RRBP1: variants seen among roughly 807,000 people sequenced by gnomAD.
RRBP1 encodes ribosome-binding protein 1.
A neutral mutation model predicts 165.2 loss-of-function variants in RRBP1; 94 were observed. The ratio of observed to expected loss-of-function variants is 0.57; its 90% CI spans 0.48 to 0.68. The LOEUF (loss-of-function observed/expected upper bound fraction) is 0.68, where lower values mean the gene tolerates loss of function less well. Ranked by LOEUF, RRBP1 falls within the 30% of genes least tolerant of loss-of-function variation. The pLI is 0.00. For missense variants in RRBP1, 1,676 were observed against 1,763.0 expected (o/e 0.95, Z 0.88); for synonymous variants, 680 against 714.5 (o/e 0.95, Z 0.77).
At chr20:17,658,026 C>T (rs1406824769) in intron 3 of RRBP1, among the ~76,000 whole-genome samples, 1 of 152,236 alleles carries the variant, frequency 6.6e-6, no homozygotes, top group Admixed American at 6.5e-5. Flanking sequence ...AACTCTTCTA[C>T]ACTGTGTGGT....
At chr20:17,614,656 G>C in intron 24 of RRBP1, 81 bp downstream of exon 24, 2 of 1,564,374 alleles carry the variant, frequency 1.3e-6, no homozygotes, top group Non-Finnish European at 1.7e-6. Context: ...ACTCCGCCCA[G>C]CTCTGCCTCT....
At position 17,619,740 on chromosome 20, in the gene RRBP1, C is replaced by A; in HGVS notation, c.3580-12G>T. ...GTGTGCTCCCTCACCTGGACAGATG[C>A]ACAGACACGCACACGCATGCGCCAG... On this transcript the variant is annotated splice_polypyrimidine_tract_variant and intron_variant, in intron 18 of 24. Coordinates refer to ENST00000377813, the MANE Select transcript of RRBP1 (RefSeq NM_001365613.2). 1 of 1,583,932 alleles carries A rather than the reference C, an allele frequency of 6.3e-7. No individual in the cohort carries two copies. The highest frequency in any genetic ancestry group is 8.6e-7 in the Non-Finnish European group (1 of 1,157,938).
In RRBP1 at chr20:17,660,106, G is replaced by T. The variant is rs756440458; in HGVS notation, c.402C>A (p.Ser134=). The change falls in exon 3 of 25, where the codon TCC becomes TCA. Residue 134 remains serine, a synonymous_variant. Transcript: ENST00000377813. ...CCTTCTTCTTTTTGTCCTTGGGGGA[G>T]GAGGCCAGCTTCTCCTGGGGCATGG... The part of the protein sequence containing the change: ...VPAMPQEKLA[S]SPKDKKKKEK... The T allele has an allele frequency of 6.8e-6, 11 of 1,614,056 alleles. No homozygotes were observed. The highest frequency in any genetic ancestry group is 9.3e-6 in the Non-Finnish European group (11 of 1,180,046).
chr20:17,620,384 G>C lies in RRBP1; in HGVS notation c.3508-14C>G. The C allele has an allele frequency of 6.2e-7, 1 of 1,610,728 alleles. No individual in the cohort carries two copies. The highest frequency in any genetic ancestry group is 1.1e-5 in the South Asian group (1 of 91,002). On this transcript the variant is annotated splice_polypyrimidine_tract_variant and intron_variant, in intron 17 of 24. Transcript: ENST00000377813. Reference sequence around the variant, plus strand: ...TGTGACCCGGGACTACAAAGCAAGGGGAAGGCTCCGTCAGACACGAGCACC... The same window carrying C: ...TGTGACCCGGGACTACAAAGCAAGGCGAAGGCTCCGTCAGACACGAGCACC...
chr20:17,625,457 G>GC (rs2035998675), intron 12 of RRBP1, 55 bp downstream of exon 12: 1 of 1,509,966 alleles, frequency 6.6e-7, no homozygotes, highest in Non-Finnish European at 9.2e-7. Flanking sequence ...ACCTTTCCCG[G>GC]CCCCACCTGT....
intron 19 of RRBP1, 90 bp downstream of exon 19, chr20:17,619,543 G>A: frequency 1.1e-6 from 1 of 902,550 alleles, no homozygotes; most frequent in Non-Finnish European, 1.7e-6. Flanking sequence ...ATGTCACCGA[G>A]AGCTGCTCCC....
chr20:17,632,834 T>C (rs1255866819), intron 8 of RRBP1, among the ~76,000 whole-genome samples: 1 of 152,144 alleles, frequency 6.6e-6, no homozygotes, highest in Non-Finnish European at 1.5e-5. Context: ...ATGCTGCCCG[T>C]GTCCCCCTGG....
chr20:17,628,472 T>C (rs1331666031), intron 9 of RRBP1, among the ~76,000 whole-genome samples: 1 of 152,160 alleles, frequency 6.6e-6, no homozygotes, highest in Non-Finnish European at 1.5e-5. Context: ...GCCTCATCCC[T>C]GGTCTCCATG....
chr20:17,632,546 C>T (rs182475284), intron 8 of RRBP1, among the ~76,000 whole-genome samples: 176 of 152,348 alleles, frequency 1.2e-3, no homozygotes, highest in Admixed American at 3.0e-3. Flanking sequence ...TCCTTGCACA[C>T]GCTCAAACAT....
At chr20:17,639,447 T>C (rs7272683) in intron 5 of RRBP1, among the ~76,000 whole-genome samples, 43,551 of 152,164 alleles carry the variant, frequency 0.29, 7,521 homozygotes, top group East Asian at 0.59. Context: ...AAAGAAAACA[T>C]GTCGAAGGGA....
At chr20:17,672,814 A>G (rs554278114) in intron 2 of RRBP1, among the ~76,000 whole-genome samples, 1 of 152,370 alleles carries the variant, frequency 6.6e-6, no homozygotes, top group African/African-American at 2.4e-5. Context: ...GAGAATGAAC[A>G]AACTACAATT....
chr20:17,662,131 C>T (rs1342419510), intron 2 of RRBP1, among the ~76,000 whole-genome samples: 1 of 151,988 alleles, frequency 6.6e-6, no homozygotes, highest in Admixed American at 6.5e-5. Context: ...GGCGTGGCGG[C>T]GGGTGCCTGT....
chr20:17,642,721 T>C (rs1027870052), intron 4 of RRBP1, among the ~76,000 whole-genome samples: 3 of 152,122 alleles, frequency 2.0e-5, no homozygotes, highest in African/African-American at 7.2e-5. Context: ...ACAAACTGGC[T>C]AGGCCCCAGC....
At chr20:17,632,357 C>T (rs2036166545) in intron 8 of RRBP1, among the ~76,000 whole-genome samples, 1 of 152,126 alleles carries the variant, frequency 6.6e-6, no homozygotes, top group Non-Finnish European at 1.5e-5. Flanking sequence ...AGTTCCAGGC[C>T]CAGATGGACC....
At chr20:17,624,485 C>A (rs1325519917) in intron 13 of RRBP1, 91 bp downstream of exon 13, 6 of 840,614 alleles carry the variant, frequency 7.1e-6, no homozygotes, top group Non-Finnish European at 1.2e-5. Flanking sequence ...CCTAGAGCAT[C>A]TGGTGTCCTA....
At chr20:17,674,358 C>G (rs761068187) in intron 2 of RRBP1, among the ~76,000 whole-genome samples, 7 of 152,220 alleles carry the variant, frequency 4.6e-5, no homozygotes, top group Non-Finnish European at 1.0e-4. Flanking sequence ...CAAAATTCCT[C>G]TGAGAAAAGA....
intron 3 of RRBP1, among the ~76,000 whole-genome samples, chr20:17,646,967 A>C (rs1250915989): frequency 1.3e-5 from 2 of 152,178 alleles, no homozygotes; most frequent in African/African-American, 4.8e-5. Flanking sequence ...CTCTCAGTCC[A>C]CGGGGAGGGT....
chr20:17,636,596 A>G lies in RRBP1; in HGVS notation c.2318T>C (p.Val773Ala), dbSNP rs770814548. Residue 773 changes from valine to alanine, a missense_variant, in exon 6 of 25, where the codon GTG becomes GCG. Coordinates refer to ENST00000377813, the MANE Select transcript of RRBP1 (RefSeq NM_001365613.2). Reference protein sequence around the residue: ...QASYREHVKEVQQLQGKIRTL... With the variant: ...QASYREHVKEAQQLQGKIRTL... Reference sequence around the variant, plus strand: ...ACCCACCTTGCCCTGCAGCTGCTGCACCTCCTTCACGTGCTCCCGGTAGCT... The same window carrying G: ...ACCCACCTTGCCCTGCAGCTGCTGCGCCTCCTTCACGTGCTCCCGGTAGCT... 6.8e-6 allele frequency: 11 copies of G among 1,611,420 alleles called. No homozygotes were observed. The highest frequency in any genetic ancestry group is 8.5e-6 in the Non-Finnish European group (10 of 1,179,718).
intron 8 of RRBP1, 97 bp from the exon 9 acceptor site, chr20:17,630,058 A>C: frequency 3.0e-6 from 4 of 1,336,558 alleles, no homozygotes; most frequent in Non-Finnish European, 4.1e-6. Flanking sequence ...TACCCCACCA[A>C]AGCCCCGTGC....
Sources: gnomAD v4.1 joint callset for allele counts (sites outside exome capture counted in the v4.1 genomes callset) on GRCh38, gnomAD v4.1.1 for gene constraint, MANE v1.5 for transcripts, NCBI Gene and HGNC (gene_info 2026-07-23, HGNC 2026-07-21) for gene names.